SEPTIN9: variants seen among roughly 807,000 people sequenced by gnomAD.
SEPTIN9 encodes the protein septin-9.
In SEPTIN9, 13 loss-of-function variants were observed where a neutral mutation model predicts 56.6. The ratio of observed to expected loss-of-function variants is 0.23; its 90% CI spans 0.15 to 0.37. The LOEUF (loss-of-function observed/expected upper bound fraction) is 0.37, where lower values mean the gene tolerates loss of function less well. Among genes scored for constraint, SEPTIN9 ranks in the 10% least tolerant of loss-of-function variants. The pLI, the probability that SEPTIN9 is intolerant of heterozygous loss-of-function variation, is 1.00. For missense variants in SEPTIN9, 650 were observed against 823.1 expected, an observed-to-expected ratio of 0.79 and a Z score of 2.57; for synonymous variants, 332 against 334.1, an observed-to-expected ratio of 0.99 and a Z score of 0.07.
Position 77,450,640 on chromosome 17 carries a change from C to G in SEPTIN9, c.722-31504C>G. On this transcript the variant is annotated intron_variant, in intron 3 of 11. Transcript: ENST00000427177. The surrounding 1 kb of genome is among the most constrained non-coding windows in gnomAD (Gnocchi z 6.0). Reference sequence around the variant, plus strand: ...TCTGGGGACCCCCTTGCTTGTGCCCCTCTGGGTCCCAGCACATCCCAGGCC... The same window carrying G: ...TCTGGGGACCCCCTTGCTTGTGCCCGTCTGGGTCCCAGCACATCCCAGGCC... The G allele has an allele frequency of 1.0e-6, 1 of 985,918 alleles. No individual in the cohort carries two copies. Among genetic ancestry groups the G allele is most frequent in the Non-Finnish European group, 1.2e-6 (1 of 830,346 alleles). The allele number at this position is 985,918 out of a possible 1,614,324, so 61.1% of individuals were successfully genotyped here.
rs914469310 is a variant in SEPTIN9 at position 77,326,160 on chromosome 17, G to T, written c.76+18963G>T. On this transcript the variant is annotated intron_variant, in intron 2 of 11. Transcript: ENST00000427177. This position sits in a 1 kb window ranked among gnomAD's most constrained non-coding sequence, Gnocchi z 5.1. ...CCACCCAACCTCACCCATGTGGTCC[G>T]CCCAGCAACCTTTGACCCCCAACAT... 6.6e-6 allele frequency among the ~76,000 whole-genome samples: 1 copy of T among 150,714 alleles called. No homozygotes were observed. The highest frequency in any genetic ancestry group is 1.5e-5 in the Non-Finnish European group (1 of 67,826).
intron 3 of SEPTIN9, among the ~76,000 whole-genome samples, chr17:77,455,497 G>A (rs960460179): frequency 3.3e-5 from 5 of 152,230 alleles, no homozygotes; most frequent in African/African-American, 9.7e-5. Flanking sequence ...CCAGTGGAAT[G>A]TGCATGGACG....
intron 2 of SEPTIN9, among the ~76,000 whole-genome samples, chr17:77,387,834 T>A (rs956238451): frequency 2.0e-5 from 3 of 152,112 alleles, no homozygotes; most frequent in African/African-American, 4.8e-5. Context: ...TTCCAGAGGC[T>A]CATGAATCTG....
rs74473537 is a variant in SEPTIN9 at position 77,308,740 on chromosome 17, C to T, written c.76+1543C>T. 2.7e-3 allele frequency among the ~76,000 whole-genome samples: 408 copies of T among 152,318 alleles called. 1 individual carries two copies. Among genetic ancestry groups the T allele is most frequent in the African/African-American group, 5.6e-3 (234 of 41,562 alleles). ...CTTGCTTCTGTGGGGACAGCACAGA[C>T]GCCTCCTAAGTCTGCCTTCCAGAGG... is the stretch of plus-strand genomic sequence containing the variant. On this transcript the variant is annotated intron_variant, in intron 2 of 11. Coordinates refer to ENST00000427177, the MANE Select transcript of SEPTIN9 (RefSeq NM_001113491.2).
chr17:77,451,493 G>T lies in SEPTIN9; in HGVS notation c.722-30651G>T, dbSNP rs1676526567. On this transcript the variant is annotated intron_variant, in intron 3 of 11. Transcript: ENST00000427177. This position sits in a 1 kb window ranked among gnomAD's most constrained non-coding sequence, Gnocchi z 4.2. ...ACCCGGTGGGCGGGCCGCGGCTCTC[G>T]GCGCGTCCAGCGCAGCCCGACGTTC... 1 of 985,760 alleles carries T rather than the reference G, an allele frequency of 1.0e-6. No individual in the cohort carries two copies. Among genetic ancestry groups the T allele is most frequent in the Non-Finnish European group, 1.2e-6 (1 of 830,226 alleles). 61.1% of individuals were successfully genotyped at this position (985,760 alleles called of 1,614,324 possible).
Position 77,475,955 on chromosome 17 carries a change from T to C in SEPTIN9, c.722-6189T>C. On this transcript the variant is annotated intron_variant, in intron 3 of 11. Transcript: ENST00000427177. This position sits in a 1 kb window ranked among gnomAD's most constrained non-coding sequence, Gnocchi z 4.6. Reference sequence around the variant, plus strand: ...CCGTGCTCTGAGAGCCAGGTGTGGGTTGGGTTTGGGGAAGACAGGGGAATG... The same window carrying C: ...CCGTGCTCTGAGAGCCAGGTGTGGGCTGGGTTTGGGGAAGACAGGGGAATG... 6.4e-7 allele frequency: 1 copy of C among 1,566,058 alleles called. No individual in the cohort carries two copies. Among genetic ancestry groups the C allele is most frequent in the Middle Eastern group, 1.7e-4 (1 of 5,870 alleles).
chr17:77,448,474 C>T (rs2037833361), intron 3 of SEPTIN9, among the ~76,000 whole-genome samples: 1 of 150,586 alleles, frequency 6.6e-6, no homozygotes, highest in African/African-American at 2.4e-5. Flanking sequence ...AGACTCTGTT[C>T]CCCGGCAACC....
chr17:77,355,731 C>G (rs1281613622), intron 2 of SEPTIN9, among the ~76,000 whole-genome samples: 3 of 152,018 alleles, frequency 2.0e-5, no homozygotes, highest in Non-Finnish European at 4.4e-5. Context: ...ACCTGTAATC[C>G]CAGCACTTTG....
chr17:77,443,372 A>G (rs9889581), intron 3 of SEPTIN9, among the ~76,000 whole-genome samples: 10,653 of 152,248 alleles, frequency 0.07, 1,117 homozygotes, highest in African/African-American at 0.23. Flanking sequence ...AGAGCTGGCT[A>G]CAGACCACAA....
At chr17:77,474,261 A>T (rs2039121255) in intron 3 of SEPTIN9, among the ~76,000 whole-genome samples, 1 of 151,712 alleles carries the variant, frequency 6.6e-6, no homozygotes, top group South Asian at 2.1e-4. Context: ...TGGCTGTGGG[A>T]CCCCTGGTGC....
intron 1 of SEPTIN9, among the ~76,000 whole-genome samples, chr17:77,306,449 A>G (rs911217364): frequency 6.6e-6 from 1 of 152,170 alleles, no homozygotes; most frequent in African/African-American, 2.4e-5. Context: ...AATCTCCTCG[A>G]GTTAGGACTT....
intron 3 of SEPTIN9, among the ~76,000 whole-genome samples, chr17:77,410,477 G>A (rs16970060): frequency 0.041 from 6,310 of 152,250 alleles, 390 homozygotes; most frequent in African/African-American, 0.13. Context: ...AAAATGGCCC[G>A]CAGAGGTTAA....
chr17:77,371,448 G>A lies in SEPTIN9; in HGVS notation c.77-30611G>A, dbSNP rs948485917. Reference sequence around the variant, plus strand: ...CCTGGGAAAGAACAATTGCATGGGTGTGTCCACACTCACCAGGTGCTTTTT... The same window carrying A: ...CCTGGGAAAGAACAATTGCATGGGTATGTCCACACTCACCAGGTGCTTTTT... On this transcript the variant is annotated intron_variant, in intron 2 of 11. Transcript: ENST00000427177. This position sits in a 1 kb window ranked among gnomAD's most constrained non-coding sequence, Gnocchi z 4.1. 1.3e-5 allele frequency among the ~76,000 whole-genome samples: 2 copies of A among 152,270 alleles called. No homozygotes were observed. Among genetic ancestry groups the A allele is most frequent in the African/African-American group, 4.8e-5 (2 of 41,470 alleles).
chr17:77,470,449 TCCACTTGTCTACTCATCCACTCAC>T (rs977967323), intron 3 of SEPTIN9, among the ~76,000 whole-genome samples: 1 of 150,752 alleles, frequency 6.6e-6, no homozygotes, highest in African/African-American at 2.4e-5. Context: ...CATCCACCCA[TCCACTTGTCTACTCATCCACTCAC>T]CCACCCATCC....
intron 3 of SEPTIN9, among the ~76,000 whole-genome samples, chr17:77,408,472 G>A (rs1033954564): frequency 1.3e-5 from 2 of 152,236 alleles, no homozygotes; most frequent in African/African-American, 4.8e-5. Context: ...GATGGTGGGC[G>A]TGGCTCTTCG....
chr17:77,413,001 G>A (rs2036357846), intron 3 of SEPTIN9, among the ~76,000 whole-genome samples: 1 of 151,982 alleles, frequency 6.6e-6, no homozygotes, highest in Non-Finnish European at 1.5e-5. Context: ...GAATCCATTG[G>A]AATGTATTTT....
chr17:77,281,670 C>G, intron 1 of SEPTIN9, 116 bp downstream of exon 1: 1 of 1,035,338 alleles, frequency 9.7e-7, no homozygotes, highest in Admixed American at 2.6e-5. Flanking sequence ...GTCCCCGCGG[C>G]GGGCACACTG....
chr17:77,294,988 C>G (rs1021924002), intron 1 of SEPTIN9: 4 of 152,156 alleles, frequency 2.6e-5, no homozygotes, highest in Non-Finnish European at 5.9e-5. Context: ...TAAATGGGAA[C>G]TACATAAATA....
At chr17:77,498,415 T>TG (rs1400478216) in intron 11 of SEPTIN9, 108 bp from the exon 12 acceptor site, 8 of 651,930 alleles carry the variant, frequency 1.2e-5, no homozygotes, top group South Asian at 5.0e-5. Context: ...GGAGTGGGGG[T>TG]GGGGGCAGGC....
Sources: gnomAD v4.1 joint callset for allele counts (sites outside exome capture counted in the v4.1 genomes callset) on GRCh38, gnomAD v4.1.1 for gene constraint, Gnocchi (gnomAD v3.1) non-coding constraint, MANE v1.5 for transcripts, NCBI Gene and HGNC (gene_info 2026-07-23, HGNC 2026-07-21) for gene names.